Variants in MMAA observed in about 807,000 individuals in gnomAD.
MMAA encodes methylmalonic aciduria type A protein, mitochondrial.
Under a neutral mutation model 45.0 loss-of-function variants are expected in MMAA, and 41 were observed. The observed-to-expected ratio is 0.91, with a 90% CI of 0.71 to 1.18. MMAA has a LOEUF of 1.18. MMAA is among the 50% of genes most tolerant of loss of function. The pLI is 0.00. For missense variants in MMAA, 460 were observed against 495.7 expected, an observed-to-expected ratio of 0.93 and a Z score of 0.68; for synonymous variants, 154 against 178.2, an observed-to-expected ratio of 0.86 and a Z score of 1.08.
At chr4:145,649,219 G>A (rs1728024924) in intron 4 of MMAA, among the ~76,000 whole-genome samples, 1 of 151,990 alleles carries the variant, frequency 6.6e-6, no homozygotes, top group African/African-American at 2.4e-5. Flanking sequence ...AATGGCTTGA[G>A]CCCAGGAGTT....
Position 145,655,316 on chromosome 4 carries a change from G to C in MMAA, c.1139G>C (p.Arg380Thr), listed in dbSNP as rs1347780324. ...CAGGAAAGTGTGTTAGAGCATTTCA[G>C]GACCCACCCCACAGTCCGGGAACAG... ...LIQESVLEHF[R>T]THPTVREQIP... The change falls in exon 7 of 7, where the codon AGG (arginine) becomes ACG (threonine). Residue 380 changes from arginine (R) to threonine (T), a missense_variant. By Grantham distance (71) the Arg-to-Thr change is moderately conservative. Coordinates refer to ENST00000649156, the MANE Select transcript of MMAA (RefSeq NM_172250.3). The C allele has an allele frequency of 6.2e-7, 1 of 1,614,026 alleles. No individual in the cohort carries two copies. The highest frequency in any genetic ancestry group is 8.5e-7 in the Non-Finnish European group (1 of 1,180,036).
rs1270413364 is a variant in MMAA at position 145,657,222 on chromosome 4, T to C, written c.*1788T>C. ...CAGTTTGAACTACTTTTAAATGTTA[T>C]AAATGTCATCATAAAAATCATTAGA... On this transcript the variant is annotated 3_prime_UTR_variant, in exon 7 of 7. Coordinates refer to ENST00000649156, the MANE Select transcript of MMAA (RefSeq NM_172250.3). 1 of 152,232 alleles carries C rather than the reference T, an allele frequency of 6.6e-6. No individual in the cohort carries two copies. Among genetic ancestry groups the C allele is most frequent in the African/African-American group, 2.4e-5 (1 of 41,474 alleles). 9.4% of individuals were successfully genotyped at this position (152,232 alleles called of 1,614,324 possible). A position where few individuals can be genotyped will look rare whatever the true frequency, so the allele number is the denominator to read the frequency against.
intron 1 of MMAA, among the ~76,000 whole-genome samples, chr4:145,629,553 G>A (rs1038840769): frequency 7.2e-5 from 11 of 152,006 alleles, no homozygotes; most frequent in African/African-American, 2.4e-4. Context: ...AGTACTAGAG[G>A]TATTCTTTTT....
chr4:145,639,427 G>A lies in MMAA; in HGVS notation c.288G>A (p.Gly96=), dbSNP rs559279147. The change falls in exon 2 of 7, where the codon GGG becomes GGA. Residue 96 remains glycine (G), a synonymous_variant. Transcript: ENST00000649156. The part of the protein sequence containing the change: ...VDKLYTGLIQ[G]QRACLAEAIT... Reference sequence around the variant, plus strand: ...AACTTTATACTGGTTTAATCCAAGGGCAAAGGGCCTGTTTAGCAGAGGCCA... The same window carrying A: ...AACTTTATACTGGTTTAATCCAAGGACAAAGGGCCTGTTTAGCAGAGGCCA... 4.3e-6 allele frequency: 7 copies of A among 1,614,106 alleles called. No homozygotes were observed. The South Asian group carries it at 6.6e-5, about 15-fold the overall frequency.
At position 145,652,450 on chromosome 4, in the gene MMAA, C is replaced by T. The variant is rs569963680; in HGVS notation, c.819+1303C>T. 8.5e-5 allele frequency among the ~76,000 whole-genome samples: 13 copies of T among 152,210 alleles called. No homozygotes were observed. The South Asian group carries it at 1.0e-3, about 12-fold the overall frequency. On this transcript the variant is annotated intron_variant, in intron 5 of 6. Coordinates refer to ENST00000649156, the MANE Select transcript of MMAA (RefSeq NM_172250.3). ...TCATTGCATAAACTCAGGTATAGGC[C>T]GGGCGCAGTGGCTCACGCATGTAAT...
intron 1 of MMAA, among the ~76,000 whole-genome samples, chr4:145,631,221 G>GATAT (rs766477553): frequency 5.3e-5 from 8 of 152,214 alleles, no homozygotes; most frequent in Non-Finnish European, 1.2e-4. Flanking sequence ...TTGTCTGGAA[G>GATAT]ATATGTCCAA....
chr4:145,655,644 CTG>C lies in MMAA; in HGVS notation c.*212_*213del. 1 of 496,450 alleles carries C rather than the reference CTG, an allele frequency of 2.0e-6. No homozygotes were observed. Among genetic ancestry groups the C allele is most frequent in the Non-Finnish European group, 3.5e-6 (1 of 284,130 alleles). 30.8% of individuals were successfully genotyped at this position (496,450 alleles called of 1,614,324 possible). A position where few individuals can be genotyped will look rare whatever the true frequency, so the allele number is the denominator to read the frequency against. ...GGTACCTGTTTTATGTTACTGATAT[CTG>C]TTTCCTTCTCTTCTTATACCCTGGC... On this transcript the variant is annotated 3_prime_UTR_variant, in exon 7 of 7. Coordinates refer to ENST00000649156, the MANE Select transcript of MMAA (RefSeq NM_172250.3).
intron 1 of MMAA, among the ~76,000 whole-genome samples, chr4:145,636,887 A>G (rs1279530835): frequency 6.6e-6 from 1 of 152,230 alleles, no homozygotes; most frequent in African/African-American, 2.4e-5. Flanking sequence ...AGGTCGAAAG[A>G]TGGCCTTCAA....
intron 1 of MMAA, among the ~76,000 whole-genome samples, chr4:145,637,792 G>A (rs1727654116): frequency 6.6e-6 from 1 of 152,114 alleles, no homozygotes; most frequent in Non-Finnish European, 1.5e-5. Context: ...AAAAGCTAAG[G>A]TTAATTGAGC....
intron 2 of MMAA, among the ~76,000 whole-genome samples, chr4:145,642,093 T>A (rs895519090): frequency 6.6e-6 from 1 of 152,160 alleles, no homozygotes; most frequent in Non-Finnish European, 1.5e-5. Context: ...AGATCTACTT[T>A]ATAGTACAAA....
chr4:145,638,301 G>A (rs995031670), intron 1 of MMAA, among the ~76,000 whole-genome samples: 1 of 152,144 alleles, frequency 6.6e-6, no homozygotes, highest in African/African-American at 2.4e-5. Context: ...CCCGGGAGGC[G>A]GAGCTTGCAG....
At chr4:145,625,715 C>T (rs1734186080) in intron 1 of MMAA, 1 of 1,474,134 alleles carries the variant, frequency 6.8e-7, no homozygotes, top group Non-Finnish European at 9.5e-7. Flanking sequence ...TTTGGGTACA[C>T]TCCAGTTGAT....
At chr4:145,628,710 A>G (rs541917781) in intron 1 of MMAA, among the ~76,000 whole-genome samples, 4 of 152,232 alleles carry the variant, frequency 2.6e-5, no homozygotes, top group Non-Finnish European at 5.9e-5. Context: ...CATAGGATCC[A>G]GGGATTCGGA....
intron 4 of MMAA, 41 bp downstream of exon 4, chr4:145,646,197 T>C: frequency 1.2e-6 from 2 of 1,610,836 alleles, no homozygotes; most frequent in Non-Finnish European, 1.7e-6. Context: ...TACTATTTTA[T>C]GAATGCTATA....
intron 1 of MMAA, among the ~76,000 whole-genome samples, chr4:145,637,957 G>A (rs1727664576): frequency 6.6e-6 from 1 of 152,152 alleles, no homozygotes; most frequent in African/African-American, 2.4e-5. Context: ...TGGCTTAAGT[G>A]GCAGAGATTC....
In MMAA at chr4:145,655,537, CTT is replaced by C. The variant is rs1314627215; in HGVS notation, c.*104_*105del. On this transcript the variant is annotated 3_prime_UTR_variant, in exon 7 of 7. Coordinates refer to ENST00000649156, the MANE Select transcript of MMAA (RefSeq NM_172250.3). ...TTTTCAGTAATTATTGTATGGTGCT[CTT>C]GTCTTCTTTGTTTGTGACCCATGCT... 1 of 1,121,438 alleles carries C rather than the reference CTT, an allele frequency of 8.9e-7. No homozygotes were observed. The highest frequency in any genetic ancestry group is 1.2e-6 in the Non-Finnish European group (1 of 800,844). The allele number at this position is 1,121,438 out of a possible 1,614,324, so 69.5% of individuals were successfully genotyped here. A position where few individuals can be genotyped will look rare whatever the true frequency, so the allele number is the denominator to read the frequency against.
At chr4:145,634,081 C>A (rs1417440353) in intron 1 of MMAA, among the ~76,000 whole-genome samples, 3 of 152,236 alleles carry the variant, frequency 2.0e-5, no homozygotes, top group Admixed American at 6.5e-5. Flanking sequence ...TATGTTCACT[C>A]AGATTCCTAG....
At chr4:145,647,959 C>G (rs1203353865) in intron 4 of MMAA, among the ~76,000 whole-genome samples, 2 of 142,810 alleles carry the variant, frequency 1.4e-5, no homozygotes, top group Non-Finnish European at 3.1e-5. Flanking sequence ...CGGGTTCACG[C>G]CATTCTCCTA....
At position 145,658,543 on chromosome 4, in the gene MMAA, A is replaced by G. The variant is rs1728296736; in HGVS notation, c.*3109A>G. 1 of 152,198 alleles carries G rather than the reference A, an allele frequency of 6.6e-6. No homozygotes were observed. The highest frequency in any genetic ancestry group is 2.4e-5 in the African/African-American group (1 of 41,442). 9.4% of individuals were successfully genotyped at this position (152,198 alleles called of 1,614,324 possible). ...TCAATAGTTGACAGTAGCTATCCCA[A>G]TACAACCTAACAAGGCATTTTCTCT... is the stretch of plus-strand genomic sequence containing the variant. On this transcript the variant is annotated 3_prime_UTR_variant, in exon 7 of 7. Coordinates refer to ENST00000649156, the MANE Select transcript of MMAA (RefSeq NM_172250.3).
Sources: gnomAD v4.1 joint callset for allele counts (sites outside exome capture counted in the v4.1 genomes callset) on GRCh38, gnomAD v4.1.1 for gene constraint, MANE v1.5 for transcripts, NCBI Gene and HGNC (gene_info 2026-07-23, HGNC 2026-07-21) for gene names.